MAP3K14: variants seen among roughly 807,000 people sequenced by gnomAD.
MAP3K14 encodes NF-kappa-beta-inducing kinase.
Under a neutral mutation model 99.2 loss-of-function variants are expected in MAP3K14, and 16 were observed. That is an observed-to-expected ratio of 0.16 (90% CI 0.11 to 0.24). The LOEUF (loss-of-function observed/expected upper bound fraction) is 0.24, where lower values mean the gene tolerates loss of function less well. Among genes scored for constraint, MAP3K14 ranks in the 10% least tolerant of loss-of-function variants. MAP3K14 has a pLI of 1.00. For missense variants in MAP3K14, 784 were observed against 1,208.7 expected (o/e 0.65, Z 5.21); for synonymous variants, 462 against 492.4 (o/e 0.94, Z 0.82).
intron 1 of MAP3K14, among the ~76,000 whole-genome samples, chr17:45,294,232 G>T (rs2044332311): frequency 6.6e-6 from 1 of 152,210 alleles, no homozygotes; most frequent in Non-Finnish European, 1.5e-5. Context: ...TCACCCATAA[G>T]CCCAAGAAAT....
chr17:45,310,819 T>C (rs912375790), intron 1 of MAP3K14, among the ~76,000 whole-genome samples: 1 of 152,188 alleles, frequency 6.6e-6, no homozygotes, highest in African/African-American at 2.4e-5. Context: ...TATTTTCTTA[T>C]CAACCTTGAC....
intron 6 of MAP3K14, among the ~76,000 whole-genome samples, chr17:45,284,390 C>T (rs1347107913): frequency 6.6e-6 from 1 of 152,246 alleles, no homozygotes; most frequent in Non-Finnish European, 1.5e-5. Flanking sequence ...CTGAGGCTGG[C>T]TTCCTCCTAG....
chr17:45,267,302 G>A lies in MAP3K14; in HGVS notation c.2326+104C>T, dbSNP rs2044095971. ...CGGTAGAAGCTGAGCTGCTGGGGAA[G>A]GGGCTGGAAGAAAGCCCACACCGCA... On this transcript the variant is annotated intron_variant, in intron 12 of 15. Coordinates refer to ENST00000344686, the MANE Select transcript of MAP3K14 (RefSeq NM_003954.5). The surrounding 1 kb of genome is among the most constrained non-coding windows in gnomAD (Gnocchi z 5.1). 6 of 1,414,170 alleles carry A rather than the reference G, an allele frequency of 4.2e-6. No homozygotes were observed. The highest frequency in any genetic ancestry group is 1.4e-5 in the African/African-American group (1 of 70,050). 87.6% of individuals were successfully genotyped at this position (1,414,170 alleles called of 1,614,324 possible). A position where few individuals can be genotyped will look rare whatever the true frequency, so the allele number is the denominator to read the frequency against.
Position 45,268,076 on chromosome 17 carries a change from T to C in MAP3K14, c.1973-317A>G, listed in dbSNP as rs146948397. The C allele has an allele frequency of 1.9e-3, 531 of 278,630 alleles. 3 individuals are homozygous for C. Among genetic ancestry groups the C allele is most frequent in the Non-Finnish European group, 2.1e-3 (313 of 149,524 alleles). 17.3% of individuals were successfully genotyped at this position (278,630 alleles called of 1,614,324 possible). ...GACTTTGTTAACAAGAAAGAGAAGA[T>C]TGAAAACAGCCCTGGGGCTACACCA... On this transcript the variant is annotated intron_variant, in intron 11 of 15. Transcript: ENST00000344686.
chr17:45,311,766 G>A (rs2044481531), intron 1 of MAP3K14, among the ~76,000 whole-genome samples: 1 of 152,148 alleles, frequency 6.6e-6, no homozygotes, highest in African/African-American at 2.4e-5. Flanking sequence ...GTGGAAAAGC[G>A]TTCCTAAAAG....
At chr17:45,283,103 G>C (rs1392194315) in intron 6 of MAP3K14, among the ~76,000 whole-genome samples, 1 of 152,208 alleles carries the variant, frequency 6.6e-6, no homozygotes, top group Non-Finnish European at 1.5e-5. Flanking sequence ...CACTATATTA[G>C]GGTTGTTTAC....
chr17:45,288,712 A>G (rs2143826254), intron 3 of MAP3K14, among the ~76,000 whole-genome samples: 1 of 152,222 alleles, frequency 6.6e-6, no homozygotes, highest in South Asian at 2.1e-4. Flanking sequence ...CTGTGGGGGA[A>G]TGCAGAGCCT....
intron 1 of MAP3K14, among the ~76,000 whole-genome samples, chr17:45,295,884 TTC>T (rs1190176767): frequency 6.6e-6 from 1 of 152,202 alleles, no homozygotes; most frequent in Non-Finnish European, 1.5e-5. Flanking sequence ...AAGATGGGAC[TTC>T]TCTGTTTCAG....
rs1270749107 is a variant in MAP3K14, at chr17:45,273,593, G to C, written c.1567C>G (p.Leu523Val). Residue 523 changes from leucine (L) to valine (V), a missense_variant, in exon 9 of 16, where the codon CTG becomes GTG. By Grantham distance (32) the Leu-to-Val change is conservative. This residue lies in a region of MAP3K14 where 200 missense variants were observed against 367.9 expected (regional missense o/e 0.54). Transcript: ENST00000344686. Reference protein sequence around the residue: ...HGDVKADNVLLSSDGSHAALC... With the variant: ...HGDVKADNVLVSSDGSHAALC... ...GCTGCGTGGCTCCCATCGCTGGACA[G>C]GAGCACGTTGTCAGCTGCCAGGCCG... 1 of 1,612,682 alleles carries C rather than the reference G, an allele frequency of 6.2e-7. No individual in the cohort carries two copies. The highest frequency in any genetic ancestry group is 1.3e-5 in the African/African-American group (1 of 74,922).
At chr17:45,270,806 A>G (rs1467797488) in intron 10 of MAP3K14, 5 of 746,262 alleles carry the variant, frequency 6.7e-6, no homozygotes. Flanking sequence ...GCCCGTTAGG[A>G]GGCAGGTGGA....
At chr17:45,277,135 CT>C (rs961800806) in intron 6 of MAP3K14, among the ~76,000 whole-genome samples, 3 of 151,946 alleles carry the variant, frequency 2.0e-5, no homozygotes, top group Non-Finnish European at 2.9e-5. Flanking sequence ...GCCTCTTAGG[CT>C]TCTTCTTCTT....
At position 45,267,697 on chromosome 17, in the gene MAP3K14, G is replaced by A; in HGVS notation, c.2035C>T (p.Gln679Ter). Reference sequence around the variant, plus strand: ...TGGAGGGTCTGGTGGTAATTGGCTTGATTTGGCGGTGGATGTCTTGGTTCT... The same window carrying A: ...TGGAGGGTCTGGTGGTAATTGGCTTAATTTGGCGGTGGATGTCTTGGTTCT... ...YKEPRHPPPNQANYHQTLHAQ... is the reference protein window; with the variant it reads ...YKEPRHPPPN The change falls in exon 12 of 16, where the codon CAA becomes TAA. Residue 679 changes from glutamine (Q) to a stop codon, truncating the protein, a stop_gained. Coordinates refer to ENST00000344686, the MANE Select transcript of MAP3K14 (RefSeq NM_003954.5). LOFTEE classifies it high-confidence loss of function. This position sits in a 1 kb window ranked among gnomAD's most constrained non-coding sequence, Gnocchi z 5.1. 1 of 1,613,874 alleles carries A rather than the reference G, an allele frequency of 6.2e-7. No homozygotes were observed. Among genetic ancestry groups the A allele is most frequent in the Non-Finnish European group, 8.5e-7 (1 of 1,179,870 alleles).
intron 9 of MAP3K14, 50 bp from the exon 10 acceptor site, chr17:45,271,271 A>T (rs767983116): frequency 3.8e-5 from 58 of 1,544,648 alleles, no homozygotes; most frequent in Non-Finnish European, 2.5e-5. Context: ...GATGGGCAGG[A>T]GCCTAGGCAA....
intron 8 of MAP3K14, chr17:45,273,906 C>T (rs2044159409): frequency 3.0e-6 from 2 of 674,202 alleles, no homozygotes; most frequent in East Asian, 5.5e-5. Context: ...GGGAGCTTGA[C>T]CTTCGGTTCT....
At position 45,290,751 on chromosome 17, in the gene MAP3K14, A is replaced by G. The variant is rs775747523; in HGVS notation, c.-6T>C. On this transcript the variant is annotated 5_prime_UTR_variant, in exon 2 of 16. Transcript: ENST00000344686. ...GCCATTTCCATCACTGCCATCTCCC[A>G]GGCTTGTGCTCATCCTGAGAGAGAC... The G allele has an allele frequency of 5.6e-6, 9 of 1,612,294 alleles. No individual in the cohort carries two copies. Among genetic ancestry groups the G allele is most frequent in the Non-Finnish European group, 7.6e-6 (9 of 1,178,952 alleles).
Position 45,300,144 on chromosome 17 carries a change from T to C in MAP3K14, c.-20-9379A>G, listed in dbSNP as rs767786456. Reference sequence around the variant, plus strand: ...CCCACAGGTCAAACTGCAGGGTAAATACAATTTATGGGGTAAAGTTTCTGA... The same window carrying C: ...CCCACAGGTCAAACTGCAGGGTAAACACAATTTATGGGGTAAAGTTTCTGA... On this transcript the variant is annotated intron_variant, in intron 1 of 15. Coordinates refer to ENST00000344686, the MANE Select transcript of MAP3K14 (RefSeq NM_003954.5). Among the ~76,000 whole-genome samples, 25 of 152,066 alleles carry C rather than the reference T, an allele frequency of 1.6e-4. 1 individual carries two copies. The highest frequency in any genetic ancestry group is 5.9e-5 in the Non-Finnish European group (4 of 68,008).
chr17:45,298,798 TAC>T, intron 1 of MAP3K14, among the ~76,000 whole-genome samples: 1 of 152,312 alleles, frequency 6.6e-6, no homozygotes, highest in Non-Finnish European at 1.5e-5. Context: ...TTGAGGATCT[TAC>T]AGTCTACTGG....
At chr17:45,287,930 T>C (rs567138919) in intron 3 of MAP3K14, among the ~76,000 whole-genome samples, 1 of 152,336 alleles carries the variant, frequency 6.6e-6, no homozygotes, top group Non-Finnish European at 1.5e-5. Flanking sequence ...GGCTGCTGCC[T>C]GGTACTGGGG....
rs150787397 is a variant in MAP3K14, at chr17:45,292,938, G to C, written c.-20-2173C>G. ...GACATGGCCAGGATCCAGACCCTAG[G>C]TTCTTTAGGCTATGATGCCCACTCC... On this transcript the variant is annotated intron_variant, in intron 1 of 15. Transcript: ENST00000344686. 7.5e-3 allele frequency among the ~76,000 whole-genome samples: 1,144 copies of C among 152,274 alleles called. 16 individuals carry two copies. The highest frequency in any genetic ancestry group is 0.051 in the Middle Eastern group (15 of 294).
Sources: gnomAD v4.1 joint callset for allele counts (sites outside exome capture counted in the v4.1 genomes callset) on GRCh38, gnomAD v4.1.1 for gene constraint, gnomAD v4.1.1 regional missense constraint, Gnocchi (gnomAD v3.1) non-coding constraint, MANE v1.5 for transcripts, NCBI Gene and HGNC (gene_info 2026-07-23, HGNC 2026-07-21) for gene names.